The following SOCS6 variants were observed in gnomAD, a reference collection of about 807,000 sequenced individuals.
The protein encoded by SOCS6 is STAT induced STAT inhibitor-4.
A neutral mutation model predicts 27.7 loss-of-function variants in SOCS6; 5 were observed. The ratio of observed to expected loss-of-function variants is 0.18; its 90% CI spans 0.09 to 0.38. SOCS6 has a LOEUF of 0.38. SOCS6 is among the 10% of genes least tolerant of loss of function. The pLI, the probability that SOCS6 is intolerant of heterozygous loss-of-function variation, is 1.00. For synonymous variants in SOCS6, 271 were observed against 260.0 expected (o/e 1.04, Z -0.41); for missense variants, 595 against 688.1 (o/e 0.86, Z 1.51).
rs948587077 is a variant in SOCS6, at chr18:70,326,478, T to A, written c.*202T>A. ...ATTTTGGTTCTTTAAAAAAGGGAAGTCTTGAGGTTTTAGAGGTGTGAATTA... is the reference window on the plus strand; with the variant it reads ...ATTTTGGTTCTTTAAAAAAGGGAAGACTTGAGGTTTTAGAGGTGTGAATTA... On this transcript the variant is annotated 3_prime_UTR_variant, in exon 2 of 2. Transcript: ENST00000397942. 7.0e-6 allele frequency: 4 copies of A among 572,266 alleles called. No individual in the cohort carries two copies. The African/African-American group carries it at 7.5e-5, about 11-fold the overall frequency. 35.4% of individuals were successfully genotyped at this position (572,266 alleles called of 1,614,324 possible).
chr18:70,309,177 T>A (rs1462847257), intron 1 of SOCS6, among the ~76,000 whole-genome samples: 2 of 152,252 alleles, frequency 1.3e-5, no homozygotes, highest in South Asian at 4.1e-4. Context: ...TTCCAAACTT[T>A]TATTTATGAA....
chr18:70,327,253 C>T lies in SOCS6; in HGVS notation c.*977C>T, dbSNP rs955975622. ...CTAATTTTCATAAATGGACTGGATT[C>T]TCTTGCAACATTAATGTTTATAAAA... On this transcript the variant is annotated 3_prime_UTR_variant, in exon 2 of 2. Coordinates refer to ENST00000397942, the MANE Select transcript of SOCS6 (RefSeq NM_004232.4). 6.0e-6 allele frequency: 1 copy of T among 166,796 alleles called. No homozygotes were observed. The highest frequency in any genetic ancestry group is 2.4e-5 in the African/African-American group (1 of 41,414). 10.3% of individuals were successfully genotyped at this position (166,796 alleles called of 1,614,324 possible).
chr18:70,314,373 G>A (rs936099448), intron 1 of SOCS6: 2 of 152,148 alleles, frequency 1.3e-5, no homozygotes, highest in Non-Finnish European at 2.9e-5. Context: ...CCTGCAAAAT[G>A]ACAGTTTAGT....
chr18:70,297,707 G>A (rs367799161), intron 1 of SOCS6, among the ~76,000 whole-genome samples: 59 of 150,998 alleles, frequency 3.9e-4, no homozygotes, highest in Middle Eastern at 3.4e-3. Context: ...TTGCTTAATA[G>A]GGATATATTA....
At chr18:70,294,190 A>T (rs893353563) in intron 1 of SOCS6, among the ~76,000 whole-genome samples, 1 of 151,982 alleles carries the variant, frequency 6.6e-6, no homozygotes, top group African/African-American at 2.4e-5. Context: ...CTAGTATTCT[A>T]CTCCTTTATC....
In SOCS6 at chr18:70,308,841, G is replaced by A. The variant is rs534290728; in HGVS notation, c.-126-15702G>A. ...CTTTTTGCCCCTGGTAATACTAAAAGTCTATTTTGTCTGATATTAATATTG... is the reference window on the plus strand; with the variant it reads ...CTTTTTGCCCCTGGTAATACTAAAAATCTATTTTGTCTGATATTAATATTG... On this transcript the variant is annotated intron_variant, in intron 1 of 1. Coordinates refer to ENST00000397942, the MANE Select transcript of SOCS6 (RefSeq NM_004232.4). Among the ~76,000 whole-genome samples, 242 of 152,230 alleles carry A rather than the reference G, an allele frequency of 1.6e-3. 1 individual carries two copies. The highest frequency in any genetic ancestry group is 5.0e-3 in the African/African-American group (209 of 41,526).
chr18:70,322,736 A>C (rs1911036330), intron 1 of SOCS6, among the ~76,000 whole-genome samples: 1 of 152,222 alleles, frequency 6.6e-6, no homozygotes, highest in Non-Finnish European at 1.5e-5. Flanking sequence ...AACATAGTAC[A>C]TGACAGTAGA....
chr18:70,296,137 G>C (rs544530161), intron 1 of SOCS6, among the ~76,000 whole-genome samples: 167 of 152,302 alleles, frequency 1.1e-3, no homozygotes, highest in Non-Finnish European at 1.6e-3. Context: ...GCCTTGATAT[G>C]ATGAAGCTCA....
chr18:70,317,250 T>C (rs909469273), intron 1 of SOCS6, among the ~76,000 whole-genome samples: 1 of 152,270 alleles, frequency 6.6e-6, no homozygotes, highest in African/African-American at 2.4e-5. Flanking sequence ...ATCATTCTTA[T>C]GCCTTTGCAT....
At chr18:70,289,435 C>T (rs1351304539) in intron 1 of SOCS6, among the ~76,000 whole-genome samples, 9 of 147,396 alleles carry the variant, frequency 6.1e-5, no homozygotes, top group Non-Finnish European at 1.1e-4. Context: ...CTCTTCTCGA[C>T]CCCTCGGCCT....
intron 1 of SOCS6, among the ~76,000 whole-genome samples, chr18:70,310,651 A>G (rs1286232746): frequency 6.6e-6 from 1 of 151,932 alleles, no homozygotes; most frequent in Non-Finnish European, 1.5e-5. Flanking sequence ...CCCTAGGTAT[A>G]TACTGCTTTT....
At position 70,325,398 on chromosome 18, in the gene SOCS6, A is replaced by G; in HGVS notation, c.730A>G (p.Ser244Gly). 6.2e-7 allele frequency: 1 copy of G among 1,614,196 alleles called. No homozygotes were observed. Reference sequence around the variant, plus strand: ...AGGATCACGGAGCTATTGTCTGGACAGCTCTTCTCCCATGGAAGTCTCTGC... The same window carrying G: ...AGGATCACGGAGCTATTGTCTGGACGGCTCTTCTCCCATGGAAGTCTCTGC... ...LEGSRSYCLD[S>G]SSPMEVSAVP... The change falls in exon 2 of 2, where the codon AGC (serine) becomes GGC (glycine). Residue 244 changes from serine to glycine, a missense_variant. Transcript: ENST00000397942. The surrounding 1 kb of genome is among the most constrained non-coding windows in gnomAD (Gnocchi z 6.3).
At chr18:70,290,929 G>A (rs2062296532) in intron 1 of SOCS6, among the ~76,000 whole-genome samples, 1 of 152,114 alleles carries the variant, frequency 6.6e-6, no homozygotes, top group South Asian at 2.1e-4. Flanking sequence ...CTCTTGGTGG[G>A]CCCCCCACCC....
chr18:70,307,527 T>C (rs554737641), intron 1 of SOCS6, among the ~76,000 whole-genome samples: 1 of 152,366 alleles, frequency 6.6e-6, no homozygotes, highest in Non-Finnish European at 1.5e-5. Context: ...CCTTACTCGT[T>C]ATAGGTCTAT....
intron 1 of SOCS6, among the ~76,000 whole-genome samples, chr18:70,303,674 T>G (rs2062357670): frequency 6.6e-6 from 1 of 152,114 alleles, no homozygotes; most frequent in Non-Finnish European, 1.5e-5. Context: ...GTACTTGTAT[T>G]TCCAGCTACA....
intron 1 of SOCS6, among the ~76,000 whole-genome samples, chr18:70,290,043 G>A (rs1025926978): frequency 1.3e-5 from 2 of 152,164 alleles, no homozygotes; most frequent in African/African-American, 4.8e-5. Flanking sequence ...AATATGTGGC[G>A]GGACTCAGTC....
chr18:70,323,565 T>A (rs980189240), intron 1 of SOCS6, among the ~76,000 whole-genome samples: 2 of 151,996 alleles, frequency 1.3e-5, no homozygotes, highest in Non-Finnish European at 2.9e-5. Context: ...GACACATGGG[T>A]TTTTATGGGT....
At chr18:70,305,010 G>C (rs908060956) in intron 1 of SOCS6, among the ~76,000 whole-genome samples, 36 of 152,242 alleles carry the variant, frequency 2.4e-4, no homozygotes, top group African/African-American at 8.7e-4. Flanking sequence ...TTCGAGACCA[G>C]TCTGGCCAAC....
At chr18:70,311,404 T>G (rs2062390304) in intron 1 of SOCS6, among the ~76,000 whole-genome samples, 1 of 152,166 alleles carries the variant, frequency 6.6e-6, no homozygotes, top group African/African-American at 2.4e-5. Flanking sequence ...GAAAGTTGTT[T>G]ATACCTTTGG....
Sources: allele counts gnomAD v4.1 joint callset (sites outside exome capture counted in the v4.1 genomes callset), GRCh38; gene constraint gnomAD v4.1.1; non-coding constraint Gnocchi (gnomAD v3.1); transcripts MANE v1.5; gene names NCBI Gene and HGNC (gene_info 2026-07-23, HGNC 2026-07-21).